Variants in LARP4 observed in about 807,000 individuals in gnomAD.
LARP4 encodes La ribonucleoprotein 4.
LARP4 carries 29 observed loss-of-function variants against 92.9 expected under a neutral mutation model. The ratio of observed to expected loss-of-function variants is 0.31; its 90% CI spans 0.23 to 0.43. LARP4 has a LOEUF of 0.43. Among genes scored for constraint, LARP4 ranks in the 20% least tolerant of loss-of-function variants. The pLI, the probability that LARP4 is intolerant of heterozygous loss-of-function variation, is 1.00. For synonymous variants in LARP4, 279 were observed against 284.1 expected (o/e 0.98, Z 0.18); for missense variants, 732 against 860.0 (o/e 0.85, Z 1.86).
intron 1 of LARP4, 97 bp from the exon 2 acceptor site, chr12:50,427,665 C>A: frequency 3.2e-6 from 2 of 628,944 alleles, no homozygotes; most frequent in Non-Finnish European, 2.5e-6. Flanking sequence ...TTGGGTTTCT[C>A]CCCCACTTTT....
intron 6 of LARP4, among the ~76,000 whole-genome samples, chr12:50,438,886 A>G (rs1950817061): frequency 6.6e-6 from 1 of 152,210 alleles, no homozygotes; most frequent in African/African-American, 2.4e-5. Context: ...AAAGAAGATG[A>G]GGATAATTAG....
intron 6 of LARP4, 83 bp from the exon 7 acceptor site, chr12:50,440,356 A>T: frequency 2.1e-6 from 2 of 942,198 alleles, no homozygotes; most frequent in Non-Finnish European, 3.4e-6. Context: ...AGATAGGCTT[A>T]ACATTACTAG....
Position 50,454,364 on chromosome 12 carries a change from T to C in LARP4, c.1068T>C (p.Ser356=), listed in dbSNP as rs780831230. ...TGAATGGCTTTAATTCGCCAGGATC[T>C]TATAAAACAAATGCTGCTGCTATGA... ...SFVNGFNSPG[S]YKTNAAAMNM... is the part of the protein sequence containing the mutation. The change falls in exon 10 of 16, where the codon TCT becomes TCC. Residue 356 remains serine, a synonymous_variant. Coordinates refer to ENST00000398473, the MANE Select transcript of LARP4 (RefSeq NM_052879.5). 6.2e-7 allele frequency: 1 copy of C among 1,613,594 alleles called. No homozygotes were observed. Among genetic ancestry groups the C allele is most frequent in the African/African-American group, 1.3e-5 (1 of 74,918 alleles).
intron 7 of LARP4, 132 bp downstream of exon 7, chr12:50,440,681 T>C: frequency 1.7e-6 from 1 of 579,152 alleles, no homozygotes; most frequent in Non-Finnish European, 3.1e-6. Context: ...ACCCTTTTGC[T>C]TTTGCTCAAT....
intron 2 of LARP4, among the ~76,000 whole-genome samples, chr12:50,428,333 A>G (rs11169422): frequency 0.11 from 16,458 of 151,976 alleles, 1,730 homozygotes; most frequent in East Asian, 0.45. Context: ...TGGCCAGGAT[A>G]TATCCTTTGA....
intron 9 of LARP4, 28 bp downstream of exon 9, chr12:50,453,700 A>T: frequency 3.7e-6 from 5 of 1,356,880 alleles, no homozygotes; most frequent in Non-Finnish European, 5.1e-6. Context: ...AATAAAATAT[A>T]ATAATATTTT....
intron 4 of LARP4, among the ~76,000 whole-genome samples, chr12:50,433,696 G>C (rs1950019091): frequency 6.7e-6 from 1 of 150,142 alleles, no homozygotes; most frequent in Non-Finnish European, 1.5e-5. Flanking sequence ...CTGGAGTGCA[G>C]TGGCACGATC....
intron 8 of LARP4, among the ~76,000 whole-genome samples, chr12:50,446,521 G>A (rs1325697130): frequency 2.0e-4 from 29 of 143,524 alleles, no homozygotes; most frequent in African/African-American, 6.1e-4. Context: ...TCTGCCTCCT[G>A]GGTTTCAAGC....
intron 5 of LARP4, among the ~76,000 whole-genome samples, chr12:50,436,540 A>G (rs1593082621): frequency 6.6e-6 from 1 of 152,348 alleles, no homozygotes; most frequent in East Asian, 1.9e-4. Context: ...AATATTTGTA[A>G]CAAACTTGTT....
intron 10 of LARP4, among the ~76,000 whole-genome samples, chr12:50,455,528 G>T (rs766989889): frequency 6.6e-6 from 1 of 152,084 alleles, no homozygotes; most frequent in Admixed American, 6.5e-5. Flanking sequence ...TGCCAGATTC[G>T]ATTCTTCTAA....
chr12:50,408,222 A>G (rs1346523440), intron 1 of LARP4, among the ~76,000 whole-genome samples: 6 of 80,524 alleles, frequency 7.5e-5, no homozygotes, highest in African/African-American at 2.4e-4. Flanking sequence ...TTCCAGCTGG[A>G]GTTTCTCTCT....
At position 50,478,303 on chromosome 12, in the gene LARP4, A is replaced by T. The variant is rs1403502354; in HGVS notation, c.*2439A>T. The T allele has an allele frequency of 6.6e-6, 1 of 151,906 alleles. No homozygotes were observed. The highest frequency in any genetic ancestry group is 1.5e-5 in the Non-Finnish European group (1 of 67,854). The allele number at this position is 151,906 out of a possible 1,614,324, so 9.4% of individuals were successfully genotyped here. Reference sequence around the variant, plus strand: ...TAATAGTTCCCATTTGATGGCATGTATAGGGAAGAGTGAGAGAGTGTGTGT... The same window carrying T: ...TAATAGTTCCCATTTGATGGCATGTTTAGGGAAGAGTGAGAGAGTGTGTGT... On this transcript the variant is annotated 3_prime_UTR_variant, in exon 16 of 16. Coordinates refer to ENST00000398473, the MANE Select transcript of LARP4 (RefSeq NM_052879.5).
In LARP4 at chr12:50,461,702, A is replaced by G. The variant is rs150024298; in HGVS notation, c.1334+355A>G. Among the ~76,000 whole-genome samples the G allele has an allele frequency of 3.1e-3, 471 of 152,230 alleles. 18 individuals carry two copies. In the East Asian group the frequency reaches 0.072, roughly 23 times the overall value. On this transcript the variant is annotated intron_variant, in intron 11 of 15. Transcript: ENST00000398473. ...CTGGGTGCGGTGGCTCACACCTGTA[A>G]TCCCAACACTTTGGGAGGCCGTGGT...
intron 12 of LARP4, among the ~76,000 whole-genome samples, chr12:50,463,788 C>T (rs1270068303): frequency 6.6e-6 from 1 of 152,128 alleles, no homozygotes; most frequent in Non-Finnish European, 1.5e-5. Context: ...GACGGTGGCC[C>T]TCTTCTGCCA....
chr12:50,459,677 A>G (rs893226673), intron 10 of LARP4, among the ~76,000 whole-genome samples: 1 of 151,998 alleles, frequency 6.6e-6, no homozygotes, highest in East Asian at 1.9e-4. Context: ...TACAAAAATT[A>G]TCTAGGTGTG....
chr12:50,424,132 C>T (rs930721618), intron 1 of LARP4, among the ~76,000 whole-genome samples: 11 of 152,144 alleles, frequency 7.2e-5, no homozygotes, highest in African/African-American at 2.2e-4. Context: ...ATTTGGGAGG[C>T]TGAGGTTGAG....
chr12:50,451,785 T>G (rs965026093), intron 8 of LARP4, among the ~76,000 whole-genome samples: 3 of 151,796 alleles, frequency 2.0e-5, no homozygotes, highest in African/African-American at 7.3e-5. Context: ...TGTGGTGAGC[T>G]GAGATCGTGT....
intron 13 of LARP4, among the ~76,000 whole-genome samples, chr12:50,469,573 C>T (rs1956644248): frequency 7.4e-6 from 1 of 134,422 alleles, no homozygotes; most frequent in South Asian, 2.3e-4. Flanking sequence ...CACTGCACTC[C>T]AGCCTGGGCG....
intron 2 of LARP4, 109 bp downstream of exon 2, chr12:50,428,018 C>CA (rs1359078900): frequency 1.8e-6 from 1 of 562,952 alleles, no homozygotes; most frequent in Non-Finnish European, 2.6e-6. Flanking sequence ...TTTTTTGAGA[C>CA]AGAGTCTTCC....
Sources: allele counts gnomAD v4.1 joint callset (sites outside exome capture counted in the v4.1 genomes callset), GRCh38; gene constraint gnomAD v4.1.1; transcripts MANE v1.5; gene names NCBI Gene and HGNC (gene_info 2026-07-23, HGNC 2026-07-21).